The following XKR3 variants were observed in gnomAD, a reference collection of about 807,000 sequenced individuals.
XKR3 encodes XK related 3.
In XKR3, 27 loss-of-function variants were observed where a neutral mutation model predicts 40.3. That is an observed-to-expected ratio of 0.67 (90% CI 0.49 to 0.92). The LOEUF is 0.92. Ranked by LOEUF, XKR3 falls within the 40% of genes least tolerant of loss-of-function variation. XKR3 has a pLI of 0.00. For synonymous variants in XKR3, 193 were observed against 195.4 expected, an observed-to-expected ratio of 0.99 and a Z score of 0.10; for missense variants, 472 against 537.6, an observed-to-expected ratio of 0.88 and a Z score of 1.21.
At chr22:16,791,132 A>G (rs1450254167) in intron 3 of XKR3, among the ~76,000 whole-genome samples, 1 of 152,194 alleles carries the variant, frequency 6.6e-6, no homozygotes, top group African/African-American at 2.4e-5. Flanking sequence ...ACAGTAGCCA[A>G]GATATAGAAT....
rs966748093 is a variant in XKR3, at chr22:16,800,144, ATTAAC to A, written c.336-125_336-121del. On this transcript the variant is annotated intron_variant, in intron 2 of 3. Coordinates refer to ENST00000684488, the MANE Select transcript of XKR3 (RefSeq NM_001386955.1). ...GAAATTATACTATCAAATGGCAAAT[ATTAAC>A]TTAATCACACTGGATAAAAAATAAG... is the stretch of plus-strand genomic sequence containing the variant. 5.7e-5 allele frequency: 64 copies of A among 1,127,528 alleles called. No individual in the cohort carries two copies. The African/African-American group carries it at 8.8e-4, about 15-fold the overall frequency. 69.8% of individuals were successfully genotyped at this position (1,127,528 alleles called of 1,614,324 possible). A position where few individuals can be genotyped will look rare whatever the true frequency, so the allele number is the denominator to read the frequency against.
At chr22:16,811,852 C>T (rs1257818338) in intron 1 of XKR3, among the ~76,000 whole-genome samples, 1 of 151,734 alleles carries the variant, frequency 6.6e-6, no homozygotes, top group Non-Finnish European at 1.5e-5. Flanking sequence ...ACTAAAAATA[C>T]AAAAAAATTA....
At chr22:16,816,025 A>C (rs1229500433) in intron 1 of XKR3, among the ~76,000 whole-genome samples, 1 of 151,904 alleles carries the variant, frequency 6.6e-6, no homozygotes, top group East Asian at 1.9e-4. Context: ...TTTTAAATAA[A>C]TATTTGTTAA....
At chr22:16,805,157 G>A (rs190989631) in intron 2 of XKR3, among the ~76,000 whole-genome samples, 14 of 152,190 alleles carry the variant, frequency 9.2e-5, no homozygotes, top group Admixed American at 5.2e-4. Flanking sequence ...CTCTATTCAA[G>A]ATGACATAAT....
intron 1 of XKR3, among the ~76,000 whole-genome samples, chr22:16,816,567 T>G (rs1256489026): frequency 6.6e-6 from 1 of 151,966 alleles, no homozygotes; most frequent in Admixed American, 6.6e-5. Context: ...TATTTGTTTT[T>G]GTCCCTGCTA....
chr22:16,795,686 G>C (rs1217515245), intron 3 of XKR3, among the ~76,000 whole-genome samples: 2 of 151,972 alleles, frequency 1.3e-5, no homozygotes, highest in African/African-American at 2.4e-5. Context: ...AAAAAAAAAG[G>C]CTGCGTATGA....
chr22:16,804,445 G>A (rs2060181682), intron 2 of XKR3, among the ~76,000 whole-genome samples: 2 of 152,024 alleles, frequency 1.3e-5, no homozygotes, highest in Non-Finnish European at 2.9e-5. Context: ...GCCCTACAAA[G>A]CTGTCCTATG....
chr22:16,783,798 A>G lies in XKR3; in HGVS notation c.1201T>C (p.Tyr401His). The G allele has an allele frequency of 6.2e-7, 1 of 1,614,156 alleles. No homozygotes were observed. The highest frequency in any genetic ancestry group is 8.5e-7 in the Non-Finnish European group (1 of 1,180,044). Residue 401 changes from tyrosine (Y) to histidine (H), a missense_variant, in exon 4 of 4, where the codon TAC becomes CAC. Coordinates refer to ENST00000684488, the MANE Select transcript of XKR3 (RefSeq NM_001386955.1). ...AACACTTTGCCTGACTGCCATGGGTACAAATACTGATAGAAGAGGAGCATA... is the reference window on the plus strand; with the variant it reads ...AACACTTTGCCTGACTGCCATGGGTGCAAATACTGATAGAAGAGGAGCATA... ...GFMLLFYQYL[Y>H]PWQSGKVLPG... is the part of the protein sequence containing the mutation.
chr22:16,816,847 T>G (rs1231553035), intron 1 of XKR3, among the ~76,000 whole-genome samples: 1 of 151,992 alleles, frequency 6.6e-6, no homozygotes. Flanking sequence ...TCATCAGATA[T>G]AACATGGAAT....
At chr22:16,818,113 C>G (rs2060241322) in intron 1 of XKR3, among the ~76,000 whole-genome samples, 1 of 152,078 alleles carries the variant, frequency 6.6e-6, no homozygotes, top group African/African-American at 2.4e-5. Flanking sequence ...AAAGTTTATT[C>G]TATAAAATCA....
At chr22:16,805,456 C>T (rs1171320630) in intron 2 of XKR3, among the ~76,000 whole-genome samples, 1 of 151,962 alleles carries the variant, frequency 6.6e-6, no homozygotes, top group East Asian at 1.9e-4. Flanking sequence ...ATCACAGGAC[C>T]GTGAGTTGAA....
intron 2 of XKR3, among the ~76,000 whole-genome samples, chr22:16,802,164 T>C (rs1440196953): frequency 6.6e-6 from 1 of 152,182 alleles, no homozygotes; most frequent in African/African-American, 2.4e-5. Context: ...AAATGTATGA[T>C]AAATTAAATA....
Position 16,783,753 on chromosome 22 carries a change from GA to G in XKR3, c.1245del (p.Gln416SerfsTer9). 2 of 1,614,146 alleles carry G rather than the reference GA, an allele frequency of 1.2e-6. No homozygotes were observed. Among genetic ancestry groups the G allele is most frequent in the Non-Finnish European group, 1.7e-6 (2 of 1,180,046 alleles). On this transcript the variant is annotated frameshift_variant, in exon 4 of 4. Transcript: ENST00000684488. LOFTEE classifies it high-confidence loss of function. Reference sequence around the variant, plus strand: ...ACATAATAGTACGGTGCTTCTGGCTGATTTTCAGTACGTCCTGGCAACACTT... The same window carrying G: ...ACATAATAGTACGGTGCTTCTGGCTGTTTTCAGTACGTCCTGGCAACACTT... ...SGKVLPGRTENQPEAPYYYVN... is the reference protein window; with the variant it reads ...SGKVLPGRTEXQPEAPYYYVN...
intron 3 of XKR3, among the ~76,000 whole-genome samples, chr22:16,797,619 C>T (rs960511037): frequency 2.7e-4 from 41 of 151,194 alleles, no homozygotes; most frequent in Non-Finnish European, 4.3e-4. Context: ...GGTGAAACCC[C>T]GTCTCTACTA....
rs369783327 is a variant in XKR3 at position 16,784,306 on chromosome 22, C to T, written c.693G>A (p.Pro231=). 7.4e-5 allele frequency: 120 copies of T among 1,614,160 alleles called. 1 individual carries two copies. The highest frequency in any genetic ancestry group is 6.0e-4 in the East Asian group (27 of 44,884). ...ISNDDTTIKL[P]PIEFFCVVMW... is the part of the protein sequence containing the mutation. ...TCACGACACAGAAGAATTCTATCGG[C>T]GGTAGCTTAATGGTAGTATCATCAT... The change falls in exon 4 of 4, where the codon CCG becomes CCA. Residue 231 remains proline (P), a synonymous_variant. Coordinates refer to ENST00000684488, the MANE Select transcript of XKR3 (RefSeq NM_001386955.1).
At chr22:16,823,560 T>C (rs1426753837) in intron 1 of XKR3, among the ~76,000 whole-genome samples, 1 of 152,220 alleles carries the variant, frequency 6.6e-6, no homozygotes, top group Non-Finnish European at 1.5e-5. Flanking sequence ...ACCTTACTTT[T>C]GATCTGCGTG....
At chr22:16,817,697 T>C (rs1287674041) in intron 1 of XKR3, among the ~76,000 whole-genome samples, 2 of 152,176 alleles carry the variant, frequency 1.3e-5, no homozygotes, top group Non-Finnish European at 2.9e-5. Flanking sequence ...CCCAAATTAG[T>C]GATATTGGAG....
intron 2 of XKR3, among the ~76,000 whole-genome samples, chr22:16,804,986 G>A (rs1425156769): frequency 3.3e-5 from 5 of 151,980 alleles, no homozygotes; most frequent in South Asian, 2.1e-4. Context: ...TCTTTTCATC[G>A]ACCAAAGACT....
chr22:16,794,531 TA>T (rs1450736976), intron 3 of XKR3, among the ~76,000 whole-genome samples: 1 of 152,180 alleles, frequency 6.6e-6, no homozygotes, highest in Non-Finnish European at 1.5e-5. Context: ...GCATACACTT[TA>T]AATAGATTAG....
Sources: allele counts gnomAD v4.1 joint callset (sites outside exome capture counted in the v4.1 genomes callset), GRCh38; gene constraint gnomAD v4.1.1; transcripts MANE v1.5; gene names NCBI Gene and HGNC (gene_info 2026-07-23, HGNC 2026-07-21).